GALNT10: variants seen among roughly 807,000 people sequenced by gnomAD.
GALNT10 encodes the protein polypeptide N-acetylgalactosaminyltransferase 10.
A neutral mutation model predicts 75.0 loss-of-function variants in GALNT10; 41 were observed. The observed-to-expected ratio is 0.55, with a 90% CI of 0.43 to 0.71. The LOEUF (loss-of-function observed/expected upper bound fraction) is 0.71. Ranked by LOEUF, GALNT10 falls within the 30% of genes least tolerant of loss-of-function variation. The pLI is 0.00. For synonymous variants in GALNT10, 302 were observed against 313.0 expected (o/e 0.96, Z 0.37); for missense variants, 727 against 818.5 (o/e 0.89, Z 1.36).
chr5:154,219,830 T>TCACACACACACACACACA (rs1160794970), intron 1 of GALNT10, among the ~76,000 whole-genome samples: 2 of 75,578 alleles, frequency 2.6e-5, no homozygotes, highest in East Asian at 1.6e-3. Flanking sequence ...TCTCTCTCTC[T>TCACACACACACACACACA]CTCTCTCTCA....
intron 4 of GALNT10, among the ~76,000 whole-genome samples, chr5:154,369,957 T>C (rs1482696161): frequency 1.3e-5 from 2 of 152,252 alleles, no homozygotes; most frequent in Non-Finnish European, 2.9e-5. Flanking sequence ...TCTTCTACTT[T>C]TGGCGCTCCT....
rs550361091 is a variant in GALNT10, at chr5:154,252,043, A to G, written c.160-42773A>G. On this transcript the variant is annotated intron_variant, in intron 1 of 11. Coordinates refer to ENST00000297107, the MANE Select transcript of GALNT10 (RefSeq NM_198321.4). ...CAAGAGCCCTGGTTTTCAAGGATAC[A>G]GGAGGTAGTAGAATTAGATTCTTGT... 9.7e-4 allele frequency among the ~76,000 whole-genome samples: 148 copies of G among 152,272 alleles called. 1 individual carries two copies. The highest frequency in any genetic ancestry group is 2.5e-3 in the South Asian group (12 of 4,824).
rs568909993 is a variant in GALNT10 at position 154,362,797 on chromosome 5, T to A, written c.569-13480T>A. Among the ~76,000 whole-genome samples, 5 of 152,360 alleles carry A rather than the reference T, an allele frequency of 3.3e-5. No individual in the cohort carries two copies. In the South Asian group the frequency reaches 8.3e-4, roughly 25 times the overall value. On this transcript the variant is annotated intron_variant, in intron 4 of 11. Coordinates refer to ENST00000297107, the MANE Select transcript of GALNT10 (RefSeq NM_198321.4). ...CTGTCTTATGAGCTATCCCATTCTT[T>A]TGTGAGACAGCTCTTCTTATCAGAA...
chr5:154,411,522 A>G lies in GALNT10; in HGVS notation c.1387-1367A>G, dbSNP rs377560014. 1.4e-3 allele frequency among the ~76,000 whole-genome samples: 220 copies of G among 152,304 alleles called. 1 individual carries two copies. The highest frequency in any genetic ancestry group is 1.7e-3 in the Non-Finnish European group (117 of 68,010). ...AGGGCGCGTGAGGAGCAGTAGCCCC[A>G]TGGAAAGTCAGGGTGGTGTTACCAG... On this transcript the variant is annotated intron_variant, in intron 9 of 11. Transcript: ENST00000297107.
At chr5:154,253,002 G>GTTTTTT (rs373849888) in intron 1 of GALNT10, among the ~76,000 whole-genome samples, 1 of 89,860 alleles carries the variant, frequency 1.1e-5, no homozygotes, top group African/African-American at 4.4e-5. Flanking sequence ...TTTTTTAGTG[G>GTTTTTT]TTTTTTTTTT....
chr5:154,404,066 C>A (rs1228528883), intron 7 of GALNT10, 38 bp from the exon 8 acceptor site: 4 of 1,505,448 alleles, frequency 2.7e-6, no homozygotes, highest in Non-Finnish European at 3.7e-6. Context: ...GAACTGGAAG[C>A]AGAAACGTCA....
chr5:154,209,718 C>T (rs898999472), intron 1 of GALNT10, among the ~76,000 whole-genome samples: 19 of 152,188 alleles, frequency 1.2e-4, no homozygotes, highest in African/African-American at 4.6e-4. Flanking sequence ...CTTCCAAAGG[C>T]CCCATCTTGT....
At chr5:154,216,775 A>G (rs1328223396) in intron 1 of GALNT10, among the ~76,000 whole-genome samples, 4 of 152,178 alleles carry the variant, frequency 2.6e-5, no homozygotes, top group Non-Finnish European at 5.9e-5. Context: ...CTCCAGGTGG[A>G]CTATATAACA....
intron 1 of GALNT10, among the ~76,000 whole-genome samples, chr5:154,208,484 C>T (rs1397703385): frequency 6.9e-6 from 1 of 145,394 alleles, no homozygotes; most frequent in African/African-American, 2.4e-5. Flanking sequence ...TTTATTTTCT[C>T]TCTCTCATTT....
chr5:154,295,705 A>T (rs1174525229), intron 2 of GALNT10, among the ~76,000 whole-genome samples: 2 of 152,212 alleles, frequency 1.3e-5, no homozygotes, highest in African/African-American at 4.8e-5. Flanking sequence ...ACTTACAGCC[A>T]TCTAATCAAT....
At chr5:154,320,522 TA>T (rs1754657607) in intron 3 of GALNT10, among the ~76,000 whole-genome samples, 1 of 152,156 alleles carries the variant, frequency 6.6e-6, no homozygotes. Context: ...CCTGTGAAAT[TA>T]GATGTTAAGG....
chr5:154,418,803 G>A lies in GALNT10; in HGVS notation c.*1831G>A, dbSNP rs184615778. ...CGGCCCCTGTGCTTGCAACGCTTAC[G>A]TGTTGATCCCAGTGTCCTTTTCCAA... On this transcript the variant is annotated 3_prime_UTR_variant, in exon 12 of 12. Coordinates refer to ENST00000297107, the MANE Select transcript of GALNT10 (RefSeq NM_198321.4). 1.3e-4 allele frequency: 20 copies of A among 152,296 alleles called. No homozygotes were observed. The highest frequency in any genetic ancestry group is 8.3e-4 in the South Asian group (4 of 4,824). The allele number at this position is 152,296 out of a possible 1,614,324, so 9.4% of individuals were successfully genotyped here. A position where few individuals can be genotyped will look rare whatever the true frequency, so the allele number is the denominator to read the frequency against.
At chr5:154,300,521 G>T (rs952761004) in intron 3 of GALNT10, among the ~76,000 whole-genome samples, 27 of 152,202 alleles carry the variant, frequency 1.8e-4, no homozygotes, top group African/African-American at 5.5e-4. Context: ...TATAATGAGG[G>T]TTGAGAATCA....
At chr5:154,363,006 GTC>G (rs1450353297) in intron 4 of GALNT10, among the ~76,000 whole-genome samples, 18 of 152,158 alleles carry the variant, frequency 1.2e-4, no homozygotes, top group Admixed American at 1.2e-3. Flanking sequence ...CCCAACCTCA[GTC>G]TTTGTATCAG....
At chr5:154,353,645 C>G (rs1476705916) in intron 4 of GALNT10, among the ~76,000 whole-genome samples, 1 of 152,256 alleles carries the variant, frequency 6.6e-6, no homozygotes, top group Admixed American at 6.5e-5. Flanking sequence ...GACATGGGCC[C>G]TGCCCTGAGG....
intron 3 of GALNT10, among the ~76,000 whole-genome samples, chr5:154,314,637 C>T (rs1392707049): frequency 6.6e-6 from 1 of 151,752 alleles, no homozygotes; most frequent in Non-Finnish European, 1.5e-5. Context: ...TCCCCGCCTC[C>T]CACAACATAC....
rs1054797190 is a variant in GALNT10, at chr5:154,416,412, GAC to G, written c.1654-400_1654-399del. Among the ~76,000 whole-genome samples, 1 of 151,912 alleles carries G rather than the reference GAC, an allele frequency of 6.6e-6. No individual in the cohort carries two copies. The highest frequency in any genetic ancestry group is 1.5e-5 in the Non-Finnish European group (1 of 68,018). Reference sequence around the variant, plus strand: ...TGTGCCACTACACTCCAGCCTGGGTGACAGAGTGAGAACCTGTCTCAAAAAAA... The same window carrying G: ...TGTGCCACTACACTCCAGCCTGGGTGAGAGTGAGAACCTGTCTCAAAAAAA... On this transcript the variant is annotated intron_variant, in intron 11 of 11. Transcript: ENST00000297107. This position sits in a 1 kb window ranked among gnomAD's most constrained non-coding sequence, Gnocchi z 4.5.
At position 154,190,824 on chromosome 5, in the gene GALNT10, G is replaced by T. The variant is rs979433390; in HGVS notation, c.-43G>T. ...GGGCGGACGCGCGGAGCTGGGGGCG[G>T]CGCGGCGGGGCCGGCGGGGCGCGGC... On this transcript the variant is annotated 5_prime_UTR_variant, in exon 1 of 12. Transcript: ENST00000297107. 8.1e-5 allele frequency: 85 copies of T among 1,050,990 alleles called. No homozygotes were observed. Among genetic ancestry groups the T allele is most frequent in the Non-Finnish European group, 9.3e-5 (80 of 862,380 alleles). 65.1% of individuals were successfully genotyped at this position (1,050,990 alleles called of 1,614,324 possible). A position where few individuals can be genotyped will look rare whatever the true frequency, so the allele number is the denominator to read the frequency against.
At chr5:154,345,628 CTTT>C (rs751597207) in intron 4 of GALNT10, among the ~76,000 whole-genome samples, 206 of 118,514 alleles carry the variant, frequency 1.7e-3, no homozygotes, top group African/African-American at 6.7e-3. Flanking sequence ...AAATTTCCAC[CTTT>C]TTTTTTTTTT....
Sources: gnomAD v4.1 joint callset for allele counts (sites outside exome capture counted in the v4.1 genomes callset) on GRCh38, gnomAD v4.1.1 for gene constraint, Gnocchi (gnomAD v3.1) non-coding constraint, MANE v1.5 for transcripts, NCBI Gene and HGNC (gene_info 2026-07-23, HGNC 2026-07-21) for gene names.